TRAF5: variants seen among roughly 807,000 people sequenced by gnomAD.
The protein encoded by TRAF5 is TNF receptor-associated factor 5.
Under a neutral mutation model 64.5 loss-of-function variants are expected in TRAF5, and 48 were observed. The ratio of observed to expected loss-of-function variants is 0.74; its 90% confidence interval spans 0.59 to 0.95. The LOEUF is 0.95. Among genes scored for constraint, TRAF5 ranks in the 40% least tolerant of loss-of-function variants. The probability of loss-of-function intolerance (pLI) is 0.00; values close to 1 mark genes in which losing one functional copy is unlikely to be tolerated. For missense variants in TRAF5, 545 were observed against 662.8 expected, an observed-to-expected ratio of 0.82 and a Z score of 1.95; for synonymous variants, 206 against 240.5, an observed-to-expected ratio of 0.86 and a Z score of 1.33.
At chr1:211,341,873 A>T (rs1702456714) in intron 1 of TRAF5, among the ~76,000 whole-genome samples, 1 of 152,238 alleles carries the variant, frequency 6.6e-6, no homozygotes, top group Non-Finnish European at 1.5e-5. Context: ...TGTAACCATG[A>T]ATTCAAAATT....
rs534363911 is a variant in TRAF5, at chr1:211,373,794, A to C, written c.*1092A>C. Reference sequence around the variant, plus strand: ...GTCACCCAGGCTGGAGTACAGTGGCATGATCTCAGCTCACTGCAAACTCTG... The same window carrying C: ...GTCACCCAGGCTGGAGTACAGTGGCCTGATCTCAGCTCACTGCAAACTCTG... On this transcript the variant is annotated 3_prime_UTR_variant, in exon 11 of 11. Coordinates refer to ENST00000261464, the MANE Select transcript of TRAF5 (RefSeq NM_001033910.3). 6.6e-6 allele frequency: 1 copy of C among 152,188 alleles called. No homozygotes were observed. Among genetic ancestry groups the C allele is most frequent in the Non-Finnish European group, 1.5e-5 (1 of 68,076 alleles). The allele number at this position is 152,188 out of a possible 1,614,324, so 9.4% of individuals were successfully genotyped here.
At chr1:211,346,119 C>T (rs1702599202) in intron 1 of TRAF5, among the ~76,000 whole-genome samples, 2 of 152,114 alleles carry the variant, frequency 1.3e-5, no homozygotes, top group African/African-American at 4.8e-5. Flanking sequence ...TAGAAAATGC[C>T]TCCTCTTTCT....
intron 1 of TRAF5, 139 bp downstream of exon 1, chr1:211,327,028 C>T: frequency 1.3e-6 from 1 of 745,982 alleles, no homozygotes; most frequent in Non-Finnish European, 1.6e-6. Flanking sequence ...CCCCGACCGG[C>T]GGGGAGGGCG....
intron 10 of TRAF5, among the ~76,000 whole-genome samples, chr1:211,371,717 A>G (rs568956629): frequency 1.3e-4 from 20 of 152,364 alleles, no homozygotes; most frequent in Admixed American, 8.5e-4. Flanking sequence ...ATTCCAAGAA[A>G]GGGATTGATG....
intron 1 of TRAF5, among the ~76,000 whole-genome samples, chr1:211,333,040 C>T (rs919324116): frequency 3.3e-5 from 5 of 152,154 alleles, no homozygotes; most frequent in Non-Finnish European, 7.3e-5. Flanking sequence ...AAGTGGTTCA[C>T]TTTCACTTCA....
Position 211,360,741 on chromosome 1 carries a change from T to A in TRAF5, c.583T>A (p.Cys195Ser). ...ENLCPEYPVF[C>S]PNNCAKIILK... ...CTTGTGTCCTGAATACCCAGTATTT[T>A]GTCCCAACAATTGTGCGAAGATTAT... is the stretch of plus-strand genomic sequence containing the variant. The change falls in exon 6 of 11, where the codon TGT becomes AGT. Residue 195 changes from cysteine (C) to serine (S), a missense_variant. Physicochemically the swap from Cys to Ser is moderately radical, Grantham distance 112. Transcript: ENST00000261464. 1 of 1,614,076 alleles carries A rather than the reference T, an allele frequency of 6.2e-7. No homozygotes were observed. The highest frequency in any genetic ancestry group is 8.5e-7 in the Non-Finnish European group (1 of 1,179,956).
intron 3 of TRAF5, among the ~76,000 whole-genome samples, chr1:211,355,630 A>G (rs1177631728): frequency 6.6e-6 from 1 of 152,200 alleles, no homozygotes; most frequent in East Asian, 1.9e-4. Context: ...TTGGCATACT[A>G]CAGTCTTGGG....
chr1:211,372,684 T>C lies in TRAF5; in HGVS notation c.1656T>C (p.Thr552=), dbSNP rs1703579343. Residue 552 remains threonine (T), a synonymous_variant, in exon 11 of 11, where the codon ACT becomes ACC. Coordinates refer to ENST00000261464, the MANE Select transcript of TRAF5 (RefSeq NM_001033910.3). ...TLFLKVAVDL[T]DLEDL ...TCTTGAAAGTGGCCGTGGACTTAACTGACCTGGAGGATCTCTAGTCACTGT... is the reference window on the plus strand; with the variant it reads ...TCTTGAAAGTGGCCGTGGACTTAACCGACCTGGAGGATCTCTAGTCACTGT... 1 of 1,613,996 alleles carries C rather than the reference T, an allele frequency of 6.2e-7. No individual in the cohort carries two copies. Among genetic ancestry groups the C allele is most frequent in the African/African-American group, 1.3e-5 (1 of 74,934 alleles).
chr1:211,365,883 C>G (rs1175474729), intron 8 of TRAF5, among the ~76,000 whole-genome samples: 1 of 152,208 alleles, frequency 6.6e-6, no homozygotes, highest in Non-Finnish European at 1.5e-5. Context: ...ATTAATATTA[C>G]TGTGAAACAA....
intron 7 of TRAF5, among the ~76,000 whole-genome samples, chr1:211,362,363 G>C (rs1703213016): frequency 6.6e-6 from 1 of 152,124 alleles, no homozygotes; most frequent in Admixed American, 6.5e-5. Context: ...GAAAATACTA[G>C]AAGGAAAAAT....
chr1:211,360,186 C>A, intron 5 of TRAF5, 110 bp downstream of exon 5: 1 of 1,219,946 alleles, frequency 8.2e-7, no homozygotes, highest in Non-Finnish European at 1.2e-6. Context: ...TATTTTTGTA[C>A]AGAATTAGGT....
At chr1:211,370,980 C>T (rs1256830949) in intron 9 of TRAF5, among the ~76,000 whole-genome samples, 1 of 151,820 alleles carries the variant, frequency 6.6e-6, no homozygotes, top group East Asian at 1.9e-4. Context: ...AGTGATAGGG[C>T]AAGAGGAGAA....
intron 2 of TRAF5, among the ~76,000 whole-genome samples, chr1:211,354,132 G>A (rs1702884269): frequency 6.6e-6 from 1 of 152,192 alleles, no homozygotes; most frequent in East Asian, 1.9e-4. Flanking sequence ...GACAAATGTG[G>A]CACAGCGTGA....
chr1:211,354,433 G>T lies in TRAF5; in HGVS notation c.242G>T (p.Cys81Phe), dbSNP rs1316153867. Reference sequence around the variant, plus strand: ...AGAGAATTAAACACAGTGCCAATCTGCCCTGTAGATAAAGAGGTCATCAAA... The same window carrying T: ...AGAGAATTAAACACAGTGCCAATCTTCCCTGTAGATAAAGAGGTCATCAAA... ...SLRELNTVPI[C>F]PVDKEVIKSQ... The change falls in exon 3 of 11, where the codon TGC (cysteine) becomes TTC (phenylalanine). Residue 81 changes from cysteine (C) to phenylalanine (F), a missense_variant. Transcript: ENST00000261464. 5 of 1,613,990 alleles carry T rather than the reference G, an allele frequency of 3.1e-6. No individual in the cohort carries two copies. Among genetic ancestry groups the T allele is most frequent in the Non-Finnish European group, 4.2e-6 (5 of 1,180,036 alleles).
At chr1:211,336,194 A>ATGCC (rs2102715076) in intron 1 of TRAF5, among the ~76,000 whole-genome samples, 1 of 152,334 alleles carries the variant, frequency 6.6e-6, no homozygotes, top group African/African-American at 2.4e-5. Flanking sequence ...ACCTTGTACA[A>ATGCC]TGCCTGGCAC....
chr1:211,349,663 T>A (rs1217896649), intron 1 of TRAF5, among the ~76,000 whole-genome samples: 1 of 152,208 alleles, frequency 6.6e-6, no homozygotes, highest in African/African-American at 2.4e-5. Context: ...GGAGAACTAC[T>A]GTTGTAGCAA....
At chr1:211,338,290 C>T (rs1303129606) in intron 1 of TRAF5, among the ~76,000 whole-genome samples, 1 of 152,216 alleles carries the variant, frequency 6.6e-6, no homozygotes. Flanking sequence ...CTAGCATTTT[C>T]ATCATGTTCT....
chr1:211,361,130 T>TTTTAAGCAA lies in TRAF5; in HGVS notation c.664_665insTTTAAGCAA (p.Cys222delinsPheTer). 1 of 1,614,208 alleles carries TTTTAAGCAA rather than the reference T, an allele frequency of 6.2e-7. No individual in the cohort carries two copies. The highest frequency in any genetic ancestry group is 8.5e-7 in the Non-Finnish European group (1 of 1,180,028). On this transcript the variant is annotated stop_gained and protein_altering_variant, in exon 7 of 11. Coordinates refer to ENST00000261464, the MANE Select transcript of TRAF5 (RefSeq NM_001033910.3). LOFTEE classifies it high-confidence loss of function. ...TGTATGTCCTGAAGCTGAGCAAGAC[T>TTTTAAGCAA]GTCCTTTTAAGCACTATGGCTGTGC...
chr1:211,349,967 T>C (rs1290802297), intron 1 of TRAF5, among the ~76,000 whole-genome samples: 2 of 145,532 alleles, frequency 1.4e-5, no homozygotes, highest in African/African-American at 4.9e-5. Context: ...AGCAGGGCAG[T>C]TTGAAAGTGG....
Sources: allele counts gnomAD v4.1 joint callset (sites outside exome capture counted in the v4.1 genomes callset), GRCh38; gene constraint gnomAD v4.1.1; transcripts MANE v1.5; gene names NCBI Gene and HGNC (gene_info 2026-07-23, HGNC 2026-07-21).